Variants in EPHA6 observed in about 807,000 individuals in gnomAD.
EPHA6 encodes EPH receptor A6.
In EPHA6, 50 loss-of-function variants were observed where a neutral mutation model predicts 112.0. The ratio of observed to expected loss-of-function variants is 0.45; its 90% confidence interval spans 0.36 to 0.56. The LOEUF (loss-of-function observed/expected upper bound fraction) is 0.56. Among genes scored for constraint, EPHA6 ranks in the 20% least tolerant of loss-of-function variants. The pLI, the probability that EPHA6 is intolerant of heterozygous loss-of-function variation, is 0.00. For missense variants in EPHA6, 1,280 were observed against 1,417.4 expected (o/e 0.90, Z 1.56); for synonymous variants, 529 against 490.7 (o/e 1.08, Z -1.03).
At chr3:97,347,564 G>A (rs2083594406) in intron 5 of EPHA6, among the ~76,000 whole-genome samples, 4 of 152,072 alleles carry the variant, frequency 2.6e-5, no homozygotes, top group Admixed American at 2.6e-4. Context: ...GTATTTGAAA[G>A]TGACTCCAAT....
intron 5 of EPHA6, among the ~76,000 whole-genome samples, chr3:97,269,124 T>G (rs2079795955): frequency 6.6e-6 from 1 of 152,194 alleles, no homozygotes; most frequent in African/African-American, 2.4e-5. Flanking sequence ...CTCCCTATTT[T>G]CATCAGTTGT....
intron 11 of EPHA6, among the ~76,000 whole-genome samples, chr3:97,574,282 A>G (rs1327603953): frequency 1.3e-5 from 2 of 152,122 alleles, no homozygotes. Context: ...CTAATACCAT[A>G]AGTGCTGTAA....
intron 1 of EPHA6, among the ~76,000 whole-genome samples, chr3:96,830,506 A>G (rs1398739498): frequency 6.6e-6 from 1 of 152,112 alleles, no homozygotes; most frequent in African/African-American, 2.4e-5. Flanking sequence ...ACGTTAAGTT[A>G]CTTGGCAAAG....
intron 5 of EPHA6, among the ~76,000 whole-genome samples, chr3:97,360,598 G>A (rs998946870): frequency 1.3e-5 from 2 of 152,030 alleles, no homozygotes; most frequent in South Asian, 2.1e-4. Context: ...GTTTGGAGAA[G>A]GGATGAAATC....
rs367759278 is a variant in EPHA6 at position 97,672,097 on chromosome 3, A to G, written c.2784+34015A>G. 2.2e-4 allele frequency among the ~76,000 whole-genome samples: 34 copies of G among 152,308 alleles called. No individual in the cohort carries two copies. The South Asian group carries it at 2.7e-3, about 12-fold the overall frequency. The stretch of plus-strand genomic sequence containing the variant: ...AAAAAGTTTCAAAGAATCTAGTTAA[A>G]TCCCAAATAAATTTAGATCCAAAAT... On this transcript the variant is annotated intron_variant, in intron 14 of 17. Coordinates refer to ENST00000389672, the MANE Select transcript of EPHA6 (RefSeq NM_001080448.3).
At chr3:97,131,029 T>C (rs2048323259) in intron 3 of EPHA6, among the ~76,000 whole-genome samples, 1 of 152,088 alleles carries the variant, frequency 6.6e-6, no homozygotes, top group African/African-American at 2.4e-5. Context: ...GAAAAATCAA[T>C]AGCACAGTTG....
At chr3:97,368,349 T>C (rs1463786917) in intron 5 of EPHA6, among the ~76,000 whole-genome samples, 1 of 152,184 alleles carries the variant, frequency 6.6e-6, no homozygotes, top group Non-Finnish European at 1.5e-5. Flanking sequence ...ACATATTTAG[T>C]TATTTATAAA....
At chr3:96,865,215 A>G (rs2036236609) in intron 1 of EPHA6, among the ~76,000 whole-genome samples, 2 of 152,256 alleles carry the variant, frequency 1.3e-5, no homozygotes, top group East Asian at 1.9e-4. Context: ...ATATTCTGCA[A>G]TGAGTAAGTA....
At chr3:97,115,796 AG>A (rs1366849235) in intron 3 of EPHA6, among the ~76,000 whole-genome samples, 1 of 151,882 alleles carries the variant, frequency 6.6e-6, no homozygotes, top group African/African-American at 2.4e-5. Flanking sequence ...TAGAATGAGA[AG>A]GCTTTTAGGA....
At chr3:97,162,887 C>T (rs1462049377) in intron 3 of EPHA6, among the ~76,000 whole-genome samples, 1 of 152,174 alleles carries the variant, frequency 6.6e-6, no homozygotes, top group Admixed American at 6.5e-5. Flanking sequence ...TAGCCAATGT[C>T]ATAGTCCTTC....
At chr3:97,220,300 C>A (rs555466587) in intron 3 of EPHA6, among the ~76,000 whole-genome samples, 1 of 152,284 alleles carries the variant, frequency 6.6e-6, no homozygotes, top group Non-Finnish European at 1.5e-5. Context: ...CTGAGCCCTC[C>A]AAACTGTTCC....
In EPHA6 at chr3:96,830,881, T is replaced by C. The variant is rs151301344; in HGVS notation, c.385+15873T>C. Among the ~76,000 whole-genome samples the C allele has an allele frequency of 3.2e-4, 49 of 152,096 alleles. No homozygotes were observed. The East Asian group carries it at 5.2e-3, about 16-fold the overall frequency. On this transcript the variant is annotated intron_variant, in intron 1 of 17. Transcript: ENST00000389672. The stretch of plus-strand genomic sequence containing the variant: ...GCATGGTGAGCATAGTTAATGATAA[T>C]AAAGTAGATGTTAAGTGTTCTCACT...
intron 2 of EPHA6, among the ~76,000 whole-genome samples, chr3:96,977,431 G>T (rs1490116208): frequency 6.6e-6 from 1 of 152,026 alleles, no homozygotes; most frequent in South Asian, 2.1e-4. Context: ...ACATTATTCC[G>T]GTGATGAGTA....
chr3:97,514,335 C>T (rs1358203922), intron 10 of EPHA6, among the ~76,000 whole-genome samples: 2 of 152,176 alleles, frequency 1.3e-5, no homozygotes, highest in African/African-American at 4.8e-5. Flanking sequence ...CCTCCTCCCA[C>T]CTCCTTCTCT....
chr3:96,878,518 A>G (rs996441433), intron 2 of EPHA6, among the ~76,000 whole-genome samples: 2 of 152,080 alleles, frequency 1.3e-5, no homozygotes, highest in African/African-American at 2.4e-5. Context: ...TTGAATGCAG[A>G]TAGAATAGTT....
intron 2 of EPHA6, among the ~76,000 whole-genome samples, chr3:96,958,254 C>T (rs558739616): frequency 2.2e-4 from 33 of 151,028 alleles, no homozygotes; most frequent in African/African-American, 8.0e-4. Flanking sequence ...CCCGCCATTG[C>T]ACTCCAGCCT....
intron 5 of EPHA6, among the ~76,000 whole-genome samples, chr3:97,297,537 T>G (rs1032970252): frequency 2.6e-5 from 4 of 152,172 alleles, no homozygotes; most frequent in African/African-American, 9.7e-5. Context: ...GTTTACATGC[T>G]TTACAACAAT....
At chr3:97,546,251 G>A (rs945370006) in intron 11 of EPHA6, among the ~76,000 whole-genome samples, 1 of 152,138 alleles carries the variant, frequency 6.6e-6, no homozygotes, top group East Asian at 1.9e-4. Flanking sequence ...CTCTTTTAGG[G>A]CAGGCCTGGT....
chr3:97,559,545 C>A (rs558381572), intron 11 of EPHA6: 2 of 439,626 alleles, frequency 4.5e-6, no homozygotes, highest in East Asian at 1.4e-4. Flanking sequence ...GGAATTTCTA[C>A]CAAACCTGTG....
Sources: gnomAD v4.1 joint callset for allele counts (sites outside exome capture counted in the v4.1 genomes callset) on GRCh38, gnomAD v4.1.1 for gene constraint, MANE v1.5 for transcripts, NCBI Gene and HGNC (gene_info 2026-07-23, HGNC 2026-07-21) for gene names.